Variants in NEDD4 observed in about 807,000 individuals in gnomAD.
The protein encoded by NEDD4 is E3 ubiquitin-protein ligase NEDD4.
NEDD4 carries 99 observed loss-of-function variants against 144.9 expected under a neutral mutation model. The ratio of observed to expected loss-of-function variants is 0.68; its 90% CI spans 0.58 to 0.81. NEDD4 has a LOEUF of 0.81. Ranked by LOEUF, NEDD4 falls within the 30% of genes least tolerant of loss-of-function variation. NEDD4 has a pLI of 0.00. For missense variants in NEDD4, 985 were observed against 1,065.9 expected, an observed-to-expected ratio of 0.92 and a Z score of 1.06; for synonymous variants, 318 against 350.6, an observed-to-expected ratio of 0.91 and a Z score of 1.04.
At chr15:55,990,888 T>G (rs923072824) in intron 1 of NEDD4, among the ~76,000 whole-genome samples, 1 of 152,220 alleles carries the variant, frequency 6.6e-6, no homozygotes, top group South Asian at 2.1e-4. Flanking sequence ...CCTCCTTTGT[T>G]TGTTAACACT....
Position 55,974,098 on chromosome 15 carries a change from C to T in NEDD4, c.46-7552G>A, listed in dbSNP as rs142789307. ...ATGAAAAAGGAGACATTACAACTGA[C>T]ACCACAGAAACTCAAAGGATCATTA... On this transcript the variant is annotated intron_variant, in intron 1 of 28. Transcript: ENST00000435532. 1.4e-3 allele frequency among the ~76,000 whole-genome samples: 218 copies of T among 152,186 alleles called. 4 individuals carry two copies. The East Asian group carries it at 0.038, about 27-fold the overall frequency.
At chr15:55,936,397 T>C (rs1298875581) in intron 4 of NEDD4, among the ~76,000 whole-genome samples, 8 of 152,084 alleles carry the variant, frequency 5.3e-5, no homozygotes, top group Admixed American at 1.3e-4. Flanking sequence ...GGTAAGTTTT[T>C]TCCCCCTATC....
At chr15:55,951,456 C>T in intron 3 of NEDD4, 42 bp from the exon 4 acceptor site, 1 of 1,347,070 alleles carries the variant, frequency 7.4e-7, no homozygotes, top group Admixed American at 2.7e-5. Context: ...AAGGTTTTGT[C>T]TTATAAAAAT....
At chr15:55,873,913 T>C in intron 6 of NEDD4, 45 bp downstream of exon 6, 1 of 1,100,860 alleles carries the variant, frequency 9.1e-7, no homozygotes, top group South Asian at 1.9e-5. Context: ...TTTATTAAAT[T>C]AAAAAAATAA....
intron 2 of NEDD4, among the ~76,000 whole-genome samples, chr15:55,962,540 T>A (rs2037443310): frequency 6.6e-6 from 1 of 152,076 alleles, no homozygotes. Context: ...ATCTCCCAGG[T>A]TCAAGCAATT....
At chr15:55,893,012 A>C (rs1386358592) in intron 5 of NEDD4, among the ~76,000 whole-genome samples, 1 of 152,186 alleles carries the variant, frequency 6.6e-6, no homozygotes, top group Non-Finnish European at 1.5e-5. Context: ...TATATATCTA[A>C]AATAATTTTA....
At chr15:55,899,257 C>G (rs2035835571) in intron 5 of NEDD4, among the ~76,000 whole-genome samples, 1 of 152,104 alleles carries the variant, frequency 6.6e-6, no homozygotes, top group African/African-American at 2.4e-5. Context: ...AAAATGTTTT[C>G]TATAAAAAGT....
chr15:55,896,539 C>T (rs1297095305), intron 5 of NEDD4, among the ~76,000 whole-genome samples: 1 of 152,146 alleles, frequency 6.6e-6, no homozygotes, highest in African/African-American at 2.4e-5. Flanking sequence ...ATTTCCTCCT[C>T]TGTAATTCTA....
chr15:55,925,338 A>T (rs1423887416), intron 4 of NEDD4, among the ~76,000 whole-genome samples: 1 of 152,176 alleles, frequency 6.6e-6, no homozygotes, highest in Non-Finnish European at 1.5e-5. Context: ...ACACCTTATG[A>T]TCAGTTTTAT....
chr15:55,842,447 C>T (rs2033558713), intron 18 of NEDD4, among the ~76,000 whole-genome samples: 2 of 152,156 alleles, frequency 1.3e-5, no homozygotes, highest in Non-Finnish European at 2.9e-5. Flanking sequence ...AGTGCAGTGG[C>T]GTGAACATGG....
chr15:55,901,469 G>A (rs923311856), intron 5 of NEDD4, among the ~76,000 whole-genome samples: 37 of 152,144 alleles, frequency 2.4e-4, no homozygotes, highest in African/African-American at 8.4e-4. Flanking sequence ...TACATCCAGT[G>A]TTGACACTGT....
intron 14 of NEDD4, among the ~76,000 whole-genome samples, chr15:55,849,954 G>T (rs2033915094): frequency 6.6e-6 from 1 of 151,850 alleles, no homozygotes; most frequent in African/African-American, 2.4e-5. Context: ...CACCATGCCT[G>T]ACTAATTATT....
intron 2 of NEDD4, among the ~76,000 whole-genome samples, chr15:55,965,667 T>C (rs1317791948): frequency 6.6e-6 from 1 of 151,938 alleles, no homozygotes; most frequent in Non-Finnish European, 1.5e-5. Flanking sequence ...TGTATGTATG[T>C]ATGTATGTAT....
chr15:55,891,030 C>T (rs1374063644), intron 5 of NEDD4, among the ~76,000 whole-genome samples: 2 of 152,136 alleles, frequency 1.3e-5, no homozygotes, highest in African/African-American at 4.8e-5. Context: ...ATCCCATCTC[C>T]CTAAAAAAAT....
At chr15:55,856,497 G>T (rs2034201153) in intron 11 of NEDD4, among the ~76,000 whole-genome samples, 1 of 152,142 alleles carries the variant, frequency 6.6e-6, no homozygotes, top group African/African-American at 2.4e-5. Flanking sequence ...TTTTATTGTT[G>T]TTTTAACTTC....
At chr15:55,961,465 GTAT>G (rs58665877) in intron 2 of NEDD4, among the ~76,000 whole-genome samples, 8 of 150,812 alleles carry the variant, frequency 5.3e-5, no homozygotes, top group African/African-American at 7.3e-5. Flanking sequence ...TAAGTTTGTG[GTAT>G]TATTATTATT....
At chr15:55,838,456 A>T in intron 22 of NEDD4, 53 bp downstream of exon 22, 1 of 1,250,400 alleles carries the variant, frequency 8.0e-7, no homozygotes, top group East Asian at 2.3e-5. Flanking sequence ...ATTAACATCT[A>T]AACATTTGTC....
intron 7 of NEDD4, among the ~76,000 whole-genome samples, chr15:55,870,529 C>CTTTT (rs58174546): frequency 1.0e-4 from 12 of 117,412 alleles, no homozygotes; most frequent in Admixed American, 1.8e-4. Flanking sequence ...TCTTCTTCTT[C>CTTTT]TTTTTTTTTT....
rs1309606733 is a variant in NEDD4, at chr15:55,945,921, GA to G, written c.237+5454del. On this transcript the variant is annotated intron_variant, in intron 4 of 28. Coordinates refer to ENST00000435532, the MANE Select transcript of NEDD4 (RefSeq NM_006154.4). ...TATCCAGCCAAACTAAGCTTCATAAGAAAAGGAGAAATAAAACCCTTTATAG... is the reference window on the plus strand; with the variant it reads ...TATCCAGCCAAACTAAGCTTCATAAGAAAGGAGAAATAAAACCCTTTATAG... Among the ~76,000 whole-genome samples, 3 of 152,062 alleles carry G rather than the reference GA, an allele frequency of 2.0e-5. No homozygotes were observed. In the East Asian group the frequency reaches 5.8e-4, roughly 29 times the overall value.
Sources: gnomAD v4.1 joint callset for allele counts (sites outside exome capture counted in the v4.1 genomes callset) on GRCh38, gnomAD v4.1.1 for gene constraint, MANE v1.5 for transcripts, NCBI Gene and HGNC (gene_info 2026-07-23, HGNC 2026-07-21) for gene names.